SOWAHB: variants seen among roughly 807,000 people sequenced by gnomAD.
SOWAHB encodes the protein ankyrin repeat domain-containing protein SOWAHB.
A neutral mutation model predicts 18.3 loss-of-function variants in SOWAHB; 17 were observed. That is an observed-to-expected ratio of 0.93 (90% CI 0.64 to 1.40). SOWAHB has a LOEUF of 1.40. Ranked by LOEUF, SOWAHB falls within the 40% of genes most tolerant of loss-of-function variation. SOWAHB has a pLI of 0.00. For synonymous variants in SOWAHB, 496 were observed against 448.1 expected, an observed-to-expected ratio of 1.11 and a Z score of -1.35; for missense variants, 1,126 against 1,033.7, an observed-to-expected ratio of 1.09 and a Z score of -1.22.
At position 76,896,643 on chromosome 4, in the gene SOWAHB, C is replaced by G; in HGVS notation, c.1207G>C (p.Asp403His). ...DLDDFVDQES[D>H]GSEESSSGPK... ...CCACTGCTGCTCTCCTCACTGCCAT[C>G]ACTCTCCTGGTCCACAAAGTCATCC... The change falls in exon 1 of 1, where the codon GAT becomes CAT. Residue 403 changes from aspartate to histidine, a missense_variant. Coordinates refer to ENST00000334306, the MANE Select transcript of SOWAHB (RefSeq NM_001029870.3). The G allele has an allele frequency of 1.2e-6, 2 of 1,614,062 alleles. No individual in the cohort carries two copies. The highest frequency in any genetic ancestry group is 8.5e-7 in the Non-Finnish European group (1 of 1,180,038).
rs1042101671 is a variant in SOWAHB, at chr4:76,897,353, C to A, written c.497G>T (p.Ser166Ile). The A allele has an allele frequency of 1.3e-6, 2 of 1,533,690 alleles. No homozygotes were observed. The highest frequency in any genetic ancestry group is 1.7e-6 in the Non-Finnish European group (2 of 1,146,754). Residue 166 changes from serine (S) to isoleucine (I), a missense_variant, in exon 1 of 1, where the codon AGT becomes ATT. By Grantham distance (142) the Ser-to-Ile change is moderately radical. Transcript: ENST00000334306. The surrounding 1 kb of genome is among the most constrained non-coding windows in gnomAD (Gnocchi z 6.4). The part of the protein sequence containing the change: ...APGKGGGSKG[S>I]PGQRPPVPAA... The stretch of plus-strand genomic sequence containing the variant: ...GGGCACCGGCGGCCTCTGTCCGGGA[C>A]TGCCCTTCGATCCGCCGCCCTTCCC...
At position 76,896,608 on chromosome 4, in the gene SOWAHB, G is replaced by A; in HGVS notation, c.1242C>T (p.Asp414=). 6.2e-7 allele frequency: 1 copy of A among 1,613,912 alleles called. No homozygotes were observed. Among genetic ancestry groups the A allele is most frequent in the Non-Finnish European group, 8.5e-7 (1 of 1,180,032 alleles). The part of the protein sequence containing the change: ...GSEESSSGPK[D]SPGASEEGLQ... ...GCCCCTCTTCAGAAGCCCCCGGGGAGTCTTTGGGCCCACTGCTGCTCTCCT... is the reference window on the plus strand; with the variant it reads ...GCCCCTCTTCAGAAGCCCCCGGGGAATCTTTGGGCCCACTGCTGCTCTCCT... The change falls in exon 1 of 1, where the codon GAC becomes GAT. Residue 414 remains aspartate (D), a synonymous_variant. Coordinates refer to ENST00000334306, the MANE Select transcript of SOWAHB (RefSeq NM_001029870.3).
Position 76,894,769 on chromosome 4 carries a change from A to G in SOWAHB, c.*699T>C, listed in dbSNP as rs1719871242. 6.6e-6 allele frequency among the ~76,000 whole-genome samples: 1 copy of G among 152,196 alleles called. No homozygotes were observed. The highest frequency in any genetic ancestry group is 2.4e-5 in the African/African-American group (1 of 41,444). On this transcript the variant is annotated 3_prime_UTR_variant, in exon 1 of 1. Coordinates refer to ENST00000334306, the MANE Select transcript of SOWAHB (RefSeq NM_001029870.3). ...TGAATGACAGTCATTCCTCTTAGGA[A>G]TGGAGTCCAAGTCATAACTGGATCT...
In SOWAHB at chr4:76,896,337, C is replaced by G. The variant is rs771179824; in HGVS notation, c.1513G>C (p.Ala505Pro). The G allele has an allele frequency of 3.1e-6, 5 of 1,603,262 alleles. No individual in the cohort carries two copies. In the South Asian group the frequency reaches 5.5e-5, roughly 18 times the overall value. The change falls in exon 1 of 1, where the codon GCC becomes CCC. Residue 505 changes from alanine to proline, a missense_variant. By Grantham distance (27) the Ala-to-Pro change is conservative. Coordinates refer to ENST00000334306, the MANE Select transcript of SOWAHB (RefSeq NM_001029870.3). The part of the protein sequence containing the change: ...SLRRSSLAGR[A>P]KLSSSDEEYL... ...TCCTCATCAGAGGAGGACAATTTGG[C>G]TCTCCCTGCCAGAGAGCTCCTCCTG...
Position 76,897,262 on chromosome 4 carries a change from G to A in SOWAHB, c.588C>T (p.Cys196=), listed in dbSNP as rs374024347. 6.4e-6 allele frequency: 10 copies of A among 1,564,452 alleles called. No individual in the cohort carries two copies. In the South Asian group the frequency reaches 7.0e-5, roughly 11 times the overall value. The stretch of plus-strand genomic sequence containing the variant: ...GGTTGTTCTGGAGGCATTCCCAGCA[G>A]CAGCGGCCCTGCGTCTTCGCCGCCG... The part of the protein sequence containing the change: ...SCAAAKTQGR[C]CWECLQNNLA... Residue 196 remains cysteine (C), a synonymous_variant, in exon 1 of 1, where the codon TGC becomes TGT. Transcript: ENST00000334306. The surrounding 1 kb of genome is among the most constrained non-coding windows in gnomAD (Gnocchi z 6.4).
Position 76,896,342 on chromosome 4 carries a change from C to T in SOWAHB, c.1508G>A (p.Gly503Glu). 2 of 1,602,692 alleles carry T rather than the reference C, an allele frequency of 1.2e-6. No individual in the cohort carries two copies. The highest frequency in any genetic ancestry group is 1.7e-6 in the Non-Finnish European group (2 of 1,172,688). ...RRSLRRSSLA[G>E]RAKLSSSDEE... is the part of the protein sequence containing the mutation. ...ATCAGAGGAGGACAATTTGGCTCTC[C>T]CTGCCAGAGAGCTCCTCCTGAGGGA... Residue 503 changes from glycine to glutamate, a missense_variant, in exon 1 of 1, where the codon GGG becomes GAG. Physicochemically the swap from Gly to Glu is moderately conservative, Grantham distance 98. Transcript: ENST00000334306.
rs1169365656 is a variant in SOWAHB at position 76,897,224 on chromosome 4, G to A, written c.626C>T (p.Pro209Leu). The A allele has an allele frequency of 1.3e-6, 2 of 1,582,174 alleles. No individual in the cohort carries two copies. The highest frequency in any genetic ancestry group is 1.7e-6 in the Non-Finnish European group (2 of 1,172,612). Residue 209 changes from proline to leucine, a missense_variant, in exon 1 of 1, where the codon CCG becomes CTG. Pro to Leu is a moderately conservative substitution (Grantham distance 98). Transcript: ENST00000334306. This position sits in a 1 kb window ranked among gnomAD's most constrained non-coding sequence, Gnocchi z 6.4. Reference protein sequence around the residue: ...ECLQNNLAVLPGELGALPHSA... With the variant: ...ECLQNNLAVLLGELGALPHSA... ...GTGCGGGAGTGCGCCGAGCTCTCCCGGCAGTACAGCCAGGTTGTTCTGGAG... is the reference window on the plus strand; with the variant it reads ...GTGCGGGAGTGCGCCGAGCTCTCCCAGCAGTACAGCCAGGTTGTTCTGGAG...
At position 76,895,206 on chromosome 4, in the gene SOWAHB, G is replaced by T; in HGVS notation, c.*262C>A. ...TGTGCCCAGCTCCATGGTGGCAAGG[G>T]AAGAGGAAGAATGCCTCCTAGATAT... On this transcript the variant is annotated 3_prime_UTR_variant, in exon 1 of 1. Transcript: ENST00000334306. 1 of 381,086 alleles carries T rather than the reference G, an allele frequency of 2.6e-6. No individual in the cohort carries two copies. Among genetic ancestry groups the T allele is most frequent in the Non-Finnish European group, 4.7e-6 (1 of 213,012 alleles). 23.6% of individuals were successfully genotyped at this position (381,086 alleles called of 1,614,324 possible).
chr4:76,897,309 C>T lies in SOWAHB; in HGVS notation c.541G>A (p.Ala181Thr), dbSNP rs1317651462. 2.6e-6 allele frequency: 4 copies of T among 1,539,818 alleles called. No homozygotes were observed. In the South Asian group the frequency reaches 3.6e-5, roughly 14 times the overall value. The change falls in exon 1 of 1, where the codon GCC becomes ACC. Residue 181 changes from alanine (A) to threonine (T), a missense_variant. Transcript: ENST00000334306. The surrounding 1 kb of genome is among the most constrained non-coding windows in gnomAD (Gnocchi z 6.4). ...PPVPAAAAAG[A>T]QARASCAAAK... is the part of the protein sequence containing the mutation. ...GCCGCGCAGCTCGCTCTCGCCTGGG[C>T]CCCTGCCGCTGCAGCTGCGGGCACC...
At position 76,897,517 on chromosome 4, in the gene SOWAHB, G is replaced by A. The variant is rs1023476661; in HGVS notation, c.333C>T (p.Arg111=). Residue 111 remains arginine (R), a synonymous_variant, in exon 1 of 1, where the codon CGC becomes CGT. Coordinates refer to ENST00000334306, the MANE Select transcript of SOWAHB (RefSeq NM_001029870.3). The surrounding 1 kb of genome is among the most constrained non-coding windows in gnomAD (Gnocchi z 6.4). The part of the protein sequence containing the change: ...GAAPCSPRGA[R]RGEPPQQQPR... ...GCTGCTGCTGGGGCGGCTCCCCCCGGCGCGCGCCTCGCGGGGAGCAGGGCG... is the reference window on the plus strand; with the variant it reads ...GCTGCTGCTGGGGCGGCTCCCCCCGACGCGCGCCTCGCGGGGAGCAGGGCG... 1.5e-5 allele frequency: 21 copies of A among 1,419,032 alleles called. No individual in the cohort carries two copies. Among genetic ancestry groups the A allele is most frequent in the Middle Eastern group, 2.5e-4 (1 of 4,060 alleles). The allele number at this position is 1,419,032 out of a possible 1,614,324, so 87.9% of individuals were successfully genotyped here. A position where few individuals can be genotyped will look rare whatever the true frequency, so the allele number is the denominator to read the frequency against.
chr4:76,897,388 A>G lies in SOWAHB; in HGVS notation c.462T>C (p.Arg154=), dbSNP rs1465898331. 3.9e-6 allele frequency: 6 copies of G among 1,527,610 alleles called. No homozygotes were observed. Among genetic ancestry groups the G allele is most frequent in the Non-Finnish European group, 5.2e-6 (6 of 1,144,162 alleles). The allele number at this position is 1,527,610 out of a possible 1,614,324, so 94.6% of individuals were successfully genotyped here. A position where few individuals can be genotyped will look rare whatever the true frequency, so the allele number is the denominator to read the frequency against. Residue 154 remains arginine, a synonymous_variant, in exon 1 of 1, where the codon CGT becomes CGC. Transcript: ENST00000334306. This position sits in a 1 kb window ranked among gnomAD's most constrained non-coding sequence, Gnocchi z 6.4. The stretch of plus-strand genomic sequence containing the variant: ...ATCCGCCGCCCTTCCCGGGCGCCCT[A>G]CGGGAGTCGCTGCCCGGGAGTCCAT... ...ACNGLPGSDS[R]RAPGKGGGSK...
rs752607268 is a variant in SOWAHB, at chr4:76,897,249, G to T, written c.601C>A (p.Leu201Ile). 3 of 1,575,252 alleles carry T rather than the reference G, an allele frequency of 1.9e-6. No individual in the cohort carries two copies. The Admixed American group carries it at 5.3e-5, about 28-fold the overall frequency. ...KTQGRCCWEC[L>I]QNNLAVLPGE... Reference sequence around the variant, plus strand: ...GGCAGTACAGCCAGGTTGTTCTGGAGGCATTCCCAGCAGCAGCGGCCCTGC... The same window carrying T: ...GGCAGTACAGCCAGGTTGTTCTGGATGCATTCCCAGCAGCAGCGGCCCTGC... Residue 201 changes from leucine (L) to isoleucine (I), a missense_variant, in exon 1 of 1, where the codon CTC becomes ATC. Physicochemically the swap from Leu to Ile is conservative, Grantham distance 5 (BLOSUM62 2). Transcript: ENST00000334306. The surrounding 1 kb of genome is among the most constrained non-coding windows in gnomAD (Gnocchi z 6.4).
Position 76,897,520 on chromosome 4 carries a change from C to A in SOWAHB, c.330G>T (p.Ala110=). ...GGAAPCSPRG[A]RRGEPPQQQP... ...GCTGCTGGGGCGGCTCCCCCCGGCG[C>A]GCGCCTCGCGGGGAGCAGGGCGCAG... is the stretch of plus-strand genomic sequence containing the variant. The change falls in exon 1 of 1, where the codon GCG becomes GCT. Residue 110 remains alanine (A), a synonymous_variant. Transcript: ENST00000334306. The surrounding 1 kb of genome is among the most constrained non-coding windows in gnomAD (Gnocchi z 6.4). 7.1e-7 allele frequency: 1 copy of A among 1,416,406 alleles called. No homozygotes were observed. The highest frequency in any genetic ancestry group is 9.1e-7 in the Non-Finnish European group (1 of 1,096,652). The allele number at this position is 1,416,406 out of a possible 1,614,324, so 87.7% of individuals were successfully genotyped here. A position where few individuals can be genotyped will look rare whatever the true frequency, so the allele number is the denominator to read the frequency against.
In SOWAHB at chr4:76,897,451, T is replaced by G. The variant is rs747389832; in HGVS notation, c.399A>C (p.Pro133=). 6.6e-7 allele frequency: 1 copy of G among 1,506,480 alleles called. No individual in the cohort carries two copies. The highest frequency in any genetic ancestry group is 1.2e-5 in the South Asian group (1 of 80,626). The allele number at this position is 1,506,480 out of a possible 1,614,324, so 93.3% of individuals were successfully genotyped here. A position where few individuals can be genotyped will look rare whatever the true frequency, so the allele number is the denominator to read the frequency against. ...RRREKEPEEE[P]AGAAARAADA... Reference sequence around the variant, plus strand: ...CGGCGGCTCTGGCTGCTGCACCTGCTGGCTCCTCCTCCGGCTCCTTCTCGC... The same window carrying G: ...CGGCGGCTCTGGCTGCTGCACCTGCGGGCTCCTCCTCCGGCTCCTTCTCGC... Residue 133 remains proline (P), a synonymous_variant, in exon 1 of 1, where the codon CCA becomes CCC. Transcript: ENST00000334306. The surrounding 1 kb of genome is among the most constrained non-coding windows in gnomAD (Gnocchi z 6.4).
In SOWAHB at chr4:76,895,639, T is replaced by G. The variant is rs772609433; in HGVS notation, c.2211A>C (p.Leu737Phe). The change falls in exon 1 of 1, where the codon TTA becomes TTC. Residue 737 changes from leucine to phenylalanine, a missense_variant. Coordinates refer to ENST00000334306, the MANE Select transcript of SOWAHB (RefSeq NM_001029870.3). ...TTCTGGTAGGGGAAGAACTTCCAAC[T>G]AAGGGATAGACAGGGAAAATGGGCT... ...RGKPIFPVYP[L>F]VGSSSPTRKA... The G allele has an allele frequency of 4.3e-6, 7 of 1,614,114 alleles. No homozygotes were observed. Among genetic ancestry groups the G allele is most frequent in the Admixed American group, 1.7e-5 (1 of 60,014 alleles).
At position 76,896,929 on chromosome 4, in the gene SOWAHB, T is replaced by C; in HGVS notation, c.921A>G (p.Arg307=). The C allele has an allele frequency of 1.2e-6, 2 of 1,610,302 alleles. No homozygotes were observed. Among genetic ancestry groups the C allele is most frequent in the Non-Finnish European group, 1.7e-6 (2 of 1,178,678 alleles). The change falls in exon 1 of 1, where the codon CGA becomes CGG. Residue 307 remains arginine, a synonymous_variant. Transcript: ENST00000334306. ...STLQQQQQRT[R]EWVARHPQVP... Reference sequence around the variant, plus strand: ...CCTGCGGGTGCCTGGCCACCCACTCTCGAGTGCGCTGCTGCTGCTGCTGCA... The same window carrying C: ...CCTGCGGGTGCCTGGCCACCCACTCCCGAGTGCGCTGCTGCTGCTGCTGCA...
At position 76,897,541 on chromosome 4, in the gene SOWAHB, C is replaced by A; in HGVS notation, c.309G>T (p.Ala103=). 1 of 1,493,186 alleles carries A rather than the reference C, an allele frequency of 6.7e-7. No individual in the cohort carries two copies. Among genetic ancestry groups the A allele is most frequent in the Non-Finnish European group, 8.8e-7 (1 of 1,130,422 alleles). The allele number at this position is 1,493,186 out of a possible 1,614,324, so 92.5% of individuals were successfully genotyped here. A position where few individuals can be genotyped will look rare whatever the true frequency, so the allele number is the denominator to read the frequency against. ...PAAAPSAGGA[A]PCSPRGARRG... is the part of the protein sequence containing the mutation. ...GGCGCGCGCCTCGCGGGGAGCAGGG[C>A]GCAGCTCCCCCTGCACTGGGGGCGG... The change falls in exon 1 of 1, where the codon GCG becomes GCT. Residue 103 remains alanine (A), a synonymous_variant. Coordinates refer to ENST00000334306, the MANE Select transcript of SOWAHB (RefSeq NM_001029870.3). The surrounding 1 kb of genome is among the most constrained non-coding windows in gnomAD (Gnocchi z 6.4).
rs1408658161 is a variant in SOWAHB at position 76,896,234 on chromosome 4, G to T, written c.1616C>A (p.Pro539His). The T allele has an allele frequency of 3.2e-6, 5 of 1,585,812 alleles. No individual in the cohort carries two copies. The highest frequency in any genetic ancestry group is 1.4e-5 in the African/African-American group (1 of 73,452). The change falls in exon 1 of 1, where the codon CCC becomes CAC. Residue 539 changes from proline to histidine, a missense_variant. Transcript: ENST00000334306. The part of the protein sequence containing the change: ...SRKPSKAGTA[P>H]SPRVDAGLSL... ...TAAACCTGCATCAACCCTTGGGCTG[G>T]GTGCCGTTCCTGCCTTGGAGGGCTT... is the stretch of plus-strand genomic sequence containing the variant.
At position 76,896,799 on chromosome 4, in the gene SOWAHB, G is replaced by A; in HGVS notation, c.1051C>T (p.Pro351Ser). 6.2e-7 allele frequency: 1 copy of A among 1,613,898 alleles called. No individual in the cohort carries two copies. The highest frequency in any genetic ancestry group is 2.2e-5 in the East Asian group (1 of 44,878). Residue 351 changes from proline (P) to serine (S), a missense_variant, in exon 1 of 1, where the codon CCG becomes TCG. Pro to Ser is a moderately conservative substitution (Grantham distance 74). Transcript: ENST00000334306. ...TGCGAGGAAAGACAGGGGTCTGGCG[G>A]CTCTGAATTAGGCTCCGTGGAGCCG... is the stretch of plus-strand genomic sequence containing the variant. ...EPGSTEPNSEPPDPCLSSHSL... is the reference protein window; with the variant it reads ...EPGSTEPNSESPDPCLSSHSL...
Sources: gnomAD v4.1 joint callset for allele counts (sites outside exome capture counted in the v4.1 genomes callset) on GRCh38, gnomAD v4.1.1 for gene constraint, Gnocchi (gnomAD v3.1) non-coding constraint, MANE v1.5 for transcripts, NCBI Gene and HGNC (gene_info 2026-07-23, HGNC 2026-07-21) for gene names.